The following COL24A1 variants were observed in gnomAD, a reference collection of about 807,000 sequenced individuals.
COL24A1 encodes the protein collagen type XXIV alpha 1 chain.
COL24A1 carries 224 observed loss-of-function variants against 253.9 expected under a neutral mutation model. The ratio of observed to expected loss-of-function variants is 0.88; its 90% confidence interval spans 0.79 to 0.99. COL24A1 has a LOEUF of 0.99. COL24A1 is among the 50% of genes least tolerant of loss of function. The pLI, the probability that COL24A1 is intolerant of heterozygous loss-of-function variation, is 0.00. For synonymous variants in COL24A1, 685 were observed against 673.7 expected (o/e 1.02, Z -0.26); for missense variants, 2,131 against 2,068.5 (o/e 1.03, Z -0.59).
chr1:85,857,754 A>G (rs1243439031), intron 37 of COL24A1, among the ~76,000 whole-genome samples: 1 of 152,210 alleles, frequency 6.6e-6, no homozygotes, highest in African/African-American at 2.4e-5. Flanking sequence ...TGATTAGATT[A>G]AGTTTAAGCA....
intron 19 of COL24A1, among the ~76,000 whole-genome samples, chr1:86,016,176 T>A (rs1405591192): frequency 4.6e-5 from 7 of 152,014 alleles, no homozygotes; most frequent in African/African-American, 1.7e-4. Flanking sequence ...GCTTTTTAGA[T>A]TTTTGAACTG....
chr1:86,127,922 G>A (rs1041855246), intron 2 of COL24A1, among the ~76,000 whole-genome samples: 5 of 151,936 alleles, frequency 3.3e-5, no homozygotes, highest in African/African-American at 1.2e-4. Context: ...AAACACTCAA[G>A]TGTTTTATTT....
Position 86,145,521 on chromosome 1 carries a change from A to ATATT in COL24A1, c.121+594_121+597dup, listed in dbSNP as rs565942230. On this transcript the variant is annotated intron_variant, in intron 2 of 59. Transcript: ENST00000370571. The stretch of plus-strand genomic sequence containing the variant: ...TACATTTCCAATCATTGGCAATAGG[A>ATATT]TATTACACAGGAAATAGAAGATGCA... Among the ~76,000 whole-genome samples the ATATT allele has an allele frequency of 3.3e-5, 5 of 152,186 alleles. No individual in the cohort carries two copies. In the East Asian group the frequency reaches 9.6e-4, roughly 29 times the overall value.
intron 52 of COL24A1, among the ~76,000 whole-genome samples, chr1:85,778,061 C>CTATCTATCTATG (rs1190263739): frequency 2.0e-5 from 3 of 151,824 alleles, no homozygotes; most frequent in African/African-American, 7.3e-5. Flanking sequence ...ATCTATCTAT[C>CTATCTATCTATG]TATCTATCAT....
chr1:85,932,963 G>A (rs1687899481), intron 24 of COL24A1, among the ~76,000 whole-genome samples: 1 of 128,134 alleles, frequency 7.8e-6, no homozygotes, highest in Admixed American at 8.0e-5. Context: ...GGGAGGGATA[G>A]TATTGGGAGA....
Position 85,990,681 on chromosome 1 carries a change from C to T in COL24A1, c.2311-3027G>A, listed in dbSNP as rs186362711. On this transcript the variant is annotated intron_variant, in intron 19 of 59. Transcript: ENST00000370571. ...ATCAAAAGTAGAGTCATATTAAAAA[C>T]GCTTAGTAGGTGCTTGAAGAGGATC... Among the ~76,000 whole-genome samples, 9 of 152,300 alleles carry T rather than the reference C, an allele frequency of 5.9e-5. No individual in the cohort carries two copies. The East Asian group carries it at 9.6e-4, about 16-fold the overall frequency.
chr1:85,883,803 T>C (rs1682152415), intron 32 of COL24A1: 1 of 152,064 alleles, frequency 6.6e-6, no homozygotes, highest in South Asian at 2.1e-4. Context: ...ATTGATCAAG[T>C]CCATTTTCAA....
intron 52 of COL24A1, 101 bp from the exon 53 acceptor site, chr1:85,775,810 GC>G: frequency 9.9e-7 from 1 of 1,011,234 alleles, no homozygotes. Flanking sequence ...TTATATTTTT[GC>G]TTTTTCTATA....
In COL24A1 at chr1:86,123,986, G is replaced by GA. The variant is rs559720320; in HGVS notation, c.1491+858dup. On this transcript the variant is annotated intron_variant, in intron 3 of 59. Coordinates refer to ENST00000370571, the MANE Select transcript of COL24A1 (RefSeq NM_152890.7). ...TATATTTTAATCTACTTGAAATTTT[G>GA]AAAAAAAATAATTTCTAAAGACATA... Among the ~76,000 whole-genome samples, 672 of 150,848 alleles carry GA rather than the reference G, an allele frequency of 4.5e-3. 2 individuals carry two copies. The highest frequency in any genetic ancestry group is 7.2e-3 in the Non-Finnish European group (488 of 67,614).
At chr1:86,113,902 T>G (rs1705871633) in intron 4 of COL24A1, among the ~76,000 whole-genome samples, 1 of 150,946 alleles carries the variant, frequency 6.6e-6, no homozygotes, top group African/African-American at 2.4e-5. Context: ...CTTATGTCAT[T>G]GGTAACCTTC....
intron 19 of COL24A1, among the ~76,000 whole-genome samples, chr1:86,011,236 C>T (rs974312685): frequency 6.6e-6 from 1 of 152,088 alleles, no homozygotes; most frequent in Non-Finnish European, 1.5e-5. Flanking sequence ...CATGAATAAA[C>T]TCAGCTTAAC....
chr1:85,734,731 A>G lies in COL24A1; in HGVS notation c.4998+18T>C, dbSNP rs1286334348. On this transcript the variant is annotated intron_variant, in intron 59 of 59. Coordinates refer to ENST00000370571, the MANE Select transcript of COL24A1 (RefSeq NM_152890.7). The stretch of plus-strand genomic sequence containing the variant: ...AAGTTAGTTATATTGAACAATTCTA[A>G]AAGTGCCATTTCCTTACCTTGCAGT... 3 of 1,600,880 alleles carry G rather than the reference A, an allele frequency of 1.9e-6. No individual in the cohort carries two copies. The East Asian group carries it at 6.7e-5, about 36-fold the overall frequency.
At chr1:86,122,773 T>A (rs1354829665) in intron 3 of COL24A1, among the ~76,000 whole-genome samples, 1 of 152,010 alleles carries the variant, frequency 6.6e-6, no homozygotes, top group East Asian at 1.9e-4. Context: ...GCTGCCAACC[T>A]AGATAATGTT....
At chr1:86,137,710 T>C (rs1382090798) in intron 2 of COL24A1, among the ~76,000 whole-genome samples, 1 of 152,184 alleles carries the variant, frequency 6.6e-6, no homozygotes, top group East Asian at 1.9e-4. Flanking sequence ...CAACCACATA[T>C]GCTGACTCAC....
At chr1:85,825,259 T>C (rs1003207675) in intron 43 of COL24A1, among the ~76,000 whole-genome samples, 1 of 152,124 alleles carries the variant, frequency 6.6e-6, no homozygotes, top group Non-Finnish European at 1.5e-5. Context: ...GAACTCATCA[T>C]TTTTTATGGC....
intron 22 of COL24A1, among the ~76,000 whole-genome samples, chr1:85,965,521 C>T (rs1398247191): frequency 2.0e-5 from 3 of 151,572 alleles, no homozygotes; most frequent in South Asian, 4.2e-4. Flanking sequence ...TGTAGTTTTC[C>T]GAGAGTCTGA....
intron 28 of COL24A1, among the ~76,000 whole-genome samples, chr1:85,904,882 C>CATT (rs1684658805): frequency 6.6e-6 from 1 of 152,094 alleles, no homozygotes; most frequent in Admixed American, 6.6e-5. Context: ...TAGAATCCTC[C>CATT]ATGGTATTAA....
Position 86,018,821 on chromosome 1 carries a change from T to C in COL24A1, c.2257-1617A>G, listed in dbSNP as rs143030458. The stretch of plus-strand genomic sequence containing the variant: ...AACAATTGTGTTTGTTTTCTTGGTC[T>C]AAAGGAAAGTGTATTTACGAACAAC... On this transcript the variant is annotated intron_variant, in intron 18 of 59. Coordinates refer to ENST00000370571, the MANE Select transcript of COL24A1 (RefSeq NM_152890.7). Among the ~76,000 whole-genome samples the C allele has an allele frequency of 6.0e-3, 918 of 152,332 alleles. 7 individuals carry two copies. The highest frequency in any genetic ancestry group is 0.02 in the Middle Eastern group (6 of 294).
intron 24 of COL24A1, among the ~76,000 whole-genome samples, chr1:85,927,285 G>C (rs1215726937): frequency 6.6e-6 from 1 of 152,216 alleles, no homozygotes; most frequent in African/African-American, 2.4e-5. Flanking sequence ...CAAGGAGTCA[G>C]GGAGTTCCCT....
Sources: gnomAD v4.1 joint callset for allele counts (sites outside exome capture counted in the v4.1 genomes callset) on GRCh38, gnomAD v4.1.1 for gene constraint, MANE v1.5 for transcripts, NCBI Gene and HGNC (gene_info 2026-07-23, HGNC 2026-07-21) for gene names.